Variants in NT5C2 observed in about 807,000 individuals in gnomAD.
NT5C2 encodes 5'-nucleotidase, cytosolic II, also known as cytosolic purine 5'-nucleotidase.
NT5C2 carries 58 observed loss-of-function variants against 76.1 expected under a neutral mutation model. The ratio of observed to expected loss-of-function variants is 0.76; its 90% CI spans 0.62 to 0.95. The LOEUF (loss-of-function observed/expected upper bound fraction) is 0.95, where lower values mean the gene tolerates loss of function less well. NT5C2 is among the 40% of genes least tolerant of loss of function. NT5C2 has a pLI of 0.00. For synonymous variants in NT5C2, 229 were observed against 237.4 expected, an observed-to-expected ratio of 0.96 and a Z score of 0.32; for missense variants, 478 against 690.3, an observed-to-expected ratio of 0.69 and a Z score of 3.45.
intron 3 of NT5C2, among the ~76,000 whole-genome samples, chr10:103,170,512 C>T (rs1191299504): frequency 6.7e-6 from 1 of 148,588 alleles, no homozygotes; most frequent in Admixed American, 6.9e-5. Context: ...CACACAAGCA[C>T]ACACACATGC....
intron 4 of NT5C2, among the ~76,000 whole-genome samples, chr10:103,131,287 T>C (rs574085613): frequency 2.3e-3 from 353 of 152,358 alleles, no homozygotes; most frequent in African/African-American, 7.4e-3. Flanking sequence ...AAAATACTGT[T>C]TGCCAGAATA....
At chr10:103,092,892 C>T (rs1343364082) in intron 15 of NT5C2, among the ~76,000 whole-genome samples, 1 of 139,928 alleles carries the variant, frequency 7.1e-6, no homozygotes, top group East Asian at 2.1e-4. Context: ...ACTCAAGACG[C>T]CAACATTCTA....
chr10:103,192,148 A>G (rs1245970436), intron 1 of NT5C2, among the ~76,000 whole-genome samples: 1 of 152,164 alleles, frequency 6.6e-6, no homozygotes, highest in Non-Finnish European at 1.5e-5. Context: ...CACAGTTTCA[A>G]TATTCTCCCT....
intron 6 of NT5C2, among the ~76,000 whole-genome samples, chr10:103,104,249 T>C (rs1417864350): frequency 1.3e-5 from 2 of 152,262 alleles, no homozygotes; most frequent in East Asian, 3.8e-4. Flanking sequence ...TTAAATGCAT[T>C]AGCAAAGGAG....
chr10:103,105,167 ATTTG>A (rs1471853332), intron 6 of NT5C2, among the ~76,000 whole-genome samples: 3 of 152,160 alleles, frequency 2.0e-5, no homozygotes, highest in Admixed American at 6.5e-5. Context: ...GCTTATTCTT[ATTTG>A]TTTAAAATAT....
At chr10:103,132,989 T>C (rs1320295783) in intron 4 of NT5C2, among the ~76,000 whole-genome samples, 5 of 152,232 alleles carry the variant, frequency 3.3e-5, no homozygotes, top group Admixed American at 3.3e-4. Context: ...GTACATACTA[T>C]ATGATATGCC....
rs143806529 is a variant in NT5C2, at chr10:103,105,993, G to A, written c.294-192C>T. ...AAAGCAACTAAAAAATATTGACTCC[G>A]TCCAGACAGAAAATCATAATTGTTT... On this transcript the variant is annotated intron_variant, in intron 5 of 18. Coordinates refer to ENST00000404739, the MANE Select transcript of NT5C2 (RefSeq NM_001351169.2). Among the ~76,000 whole-genome samples the A allele has an allele frequency of 7.9e-4, 120 of 152,256 alleles. 1 individual carries two copies. Among genetic ancestry groups the A allele is most frequent in the African/African-American group, 2.7e-3 (111 of 41,554 alleles).
chr10:103,158,111 A>G (rs1296967020), intron 3 of NT5C2, among the ~76,000 whole-genome samples: 1 of 152,108 alleles, frequency 6.6e-6, no homozygotes, highest in Admixed American at 6.6e-5. Flanking sequence ...ACATTCACAA[A>G]TATGTAGAAA....
In NT5C2 at chr10:103,098,939, CT is replaced by C; in HGVS notation, c.678del (p.Val227SerfsTer10). Reference sequence around the variant, plus strand: ...TCCCCTATATTACTTACATCTTTGACTACATACTTCTCAAGATTTTCAACTG... The same window carrying C: ...TCCCCTATATTACTTACATCTTTGACACATACTTCTCAAGATTTTCAACTG... Reference protein sequence around the residue: ...EKTVENLEKYVVKDGKLPLLL... With the variant: ...EKTVENLEKYXVKDGKLPLLL... On this transcript the variant is annotated frameshift_variant, in exon 10 of 19. Coordinates refer to ENST00000404739, the MANE Select transcript of NT5C2 (RefSeq NM_001351169.2). LOFTEE classifies it high-confidence loss of function. The C allele has an allele frequency of 6.2e-7, 1 of 1,605,016 alleles. No homozygotes were observed. The highest frequency in any genetic ancestry group is 8.5e-7 in the Non-Finnish European group (1 of 1,172,810).
intron 4 of NT5C2, among the ~76,000 whole-genome samples, chr10:103,138,874 G>A (rs1012051314): frequency 6.6e-6 from 1 of 152,164 alleles, no homozygotes; most frequent in African/African-American, 2.4e-5. Flanking sequence ...GGGTGTGGTG[G>A]TGCATGCCTG....
chr10:103,152,188 CACCT>C (rs1258224538), intron 3 of NT5C2, among the ~76,000 whole-genome samples: 1 of 152,166 alleles, frequency 6.6e-6, no homozygotes, highest in Non-Finnish European at 1.5e-5. Context: ...AATGGTTTAA[CACCT>C]ACCTATCTAT....
At chr10:103,103,292 G>C (rs554514383) in intron 6 of NT5C2, among the ~76,000 whole-genome samples, 8 of 152,178 alleles carry the variant, frequency 5.3e-5, no homozygotes, top group Admixed American at 6.5e-5. Context: ...TCTGAGATGA[G>C]AGTTCCCAAT....
chr10:103,092,679 T>C (rs914659371), intron 15 of NT5C2, among the ~76,000 whole-genome samples: 62 of 152,222 alleles, frequency 4.1e-4, no homozygotes, highest in African/African-American at 1.4e-3. Flanking sequence ...AGTTCAAGAA[T>C]ACAATATGGC....
intron 18 of NT5C2, 127 bp downstream of exon 18, chr10:103,090,484 T>C: frequency 1.3e-6 from 1 of 782,230 alleles, no homozygotes; most frequent in Middle Eastern, 3.8e-4. Flanking sequence ...TGCAACCATA[T>C]AACCTGCCCC....
At chr10:103,181,069 G>A (rs2090977060) in intron 2 of NT5C2, 116 bp downstream of exon 2, 1 of 152,140 alleles carries the variant, frequency 6.6e-6, no homozygotes, top group Non-Finnish European at 1.5e-5. Flanking sequence ...AGGAGCCCAG[G>A]AAAACTTTTG....
chr10:103,171,904 A>AT (rs900744313), intron 3 of NT5C2, among the ~76,000 whole-genome samples: 7 of 151,800 alleles, frequency 4.6e-5, no homozygotes, highest in Admixed American at 1.3e-4. Context: ...AATAAAATAA[A>AT]TTTTTTTTTA....
At chr10:103,178,919 TC>T (rs1422412440) in intron 2 of NT5C2, among the ~76,000 whole-genome samples, 28 of 150,510 alleles carry the variant, frequency 1.9e-4, no homozygotes, top group Non-Finnish European at 5.9e-5. Flanking sequence ...CTACGTTTTC[TC>T]TGTATTCCTC....
chr10:103,186,656 T>C (rs570168871), intron 1 of NT5C2, among the ~76,000 whole-genome samples: 22 of 152,326 alleles, frequency 1.4e-4, no homozygotes, highest in African/African-American at 5.0e-4. Flanking sequence ...GGCTCATGCC[T>C]GTAATCCCAG....
chr10:103,100,134 CTAA>C, intron 8 of NT5C2, 115 bp from the exon 9 acceptor site: 1 of 626,096 alleles, frequency 1.6e-6, no homozygotes, highest in Non-Finnish European at 2.8e-6. Flanking sequence ...AAGGCTGTGG[CTAA>C]TGAGGAAAAT....
Sources: gnomAD v4.1 joint callset for allele counts (sites outside exome capture counted in the v4.1 genomes callset) on GRCh38, gnomAD v4.1.1 for gene constraint, MANE v1.5 for transcripts, NCBI Gene and HGNC (gene_info 2026-07-23, HGNC 2026-07-21) for gene names.